Variants in GAB1 observed in about 807,000 individuals in gnomAD.
GAB1 encodes GRB2 associated binding protein 1, also known as GRB2-associated-binding protein 1.
Under a neutral mutation model 66.5 loss-of-function variants are expected in GAB1, and 19 were observed. That is an observed-to-expected ratio of 0.29 (90% CI 0.20 to 0.42). The LOEUF (loss-of-function observed/expected upper bound fraction) is 0.42. GAB1 is among the 10% of genes least tolerant of loss of function. GAB1 has a pLI of 1.00. For missense variants in GAB1, 732 were observed against 858.5 expected (o/e 0.85, Z 1.84); for synonymous variants, 294 against 301.4 (o/e 0.98, Z 0.25).
chr4:143,413,121 G>T (rs1305673253), intron 1 of GAB1, among the ~76,000 whole-genome samples: 1 of 152,168 alleles, frequency 6.6e-6, no homozygotes, highest in Non-Finnish European at 1.5e-5. Flanking sequence ...TGTATTTAAA[G>T]ATGAAGCTTC....
chr4:143,363,914 T>C (rs1729765166), intron 1 of GAB1, among the ~76,000 whole-genome samples: 1 of 152,094 alleles, frequency 6.6e-6, no homozygotes, highest in Admixed American at 6.6e-5. Flanking sequence ...TGACTTAAAT[T>C]CGTGCTGGCC....
At chr4:143,440,458 A>ATTCT in intron 6 of GAB1, 76 bp downstream of exon 6, 1 of 1,365,032 alleles carries the variant, frequency 7.3e-7, no homozygotes, top group Non-Finnish European at 9.9e-7. Flanking sequence ...TTAAATCCAA[A>ATTCT]ATAGAATTTG....
At chr4:143,391,946 T>C (rs1334136768) in intron 1 of GAB1, among the ~76,000 whole-genome samples, 1 of 152,210 alleles carries the variant, frequency 6.6e-6, no homozygotes, top group East Asian at 1.9e-4. Context: ...TATTCTTGTG[T>C]TTTTAGCAAC....
At chr4:143,356,778 T>C (rs1417651674) in intron 1 of GAB1, among the ~76,000 whole-genome samples, 1 of 152,184 alleles carries the variant, frequency 6.6e-6, no homozygotes, top group Non-Finnish European at 1.5e-5. Flanking sequence ...AGCTAGGCCA[T>C]CTGAAGGCCT....
intron 1 of GAB1, among the ~76,000 whole-genome samples, chr4:143,379,102 A>G (rs1449592120): frequency 6.6e-6 from 1 of 152,240 alleles, no homozygotes; most frequent in East Asian, 1.9e-4. Context: ...AGCCTCATTC[A>G]TTGAGGTGGG....
intron 8 of GAB1, 139 bp downstream of exon 8, chr4:143,460,626 A>T: frequency 1.4e-6 from 1 of 704,538 alleles, no homozygotes; most frequent in Non-Finnish European, 2.2e-6. Context: ...TAAAAAGCTT[A>T]TTAAAAATAA....
chr4:143,464,090 A>G (rs1197829234), intron 8 of GAB1, among the ~76,000 whole-genome samples: 3 of 152,202 alleles, frequency 2.0e-5, no homozygotes, highest in Admixed American at 6.5e-5. Context: ...TGTGACAATG[A>G]TATATAGAGT....
intron 6 of GAB1, among the ~76,000 whole-genome samples, chr4:143,454,749 A>G (rs1342183709): frequency 6.6e-6 from 1 of 152,226 alleles, no homozygotes; most frequent in African/African-American, 2.4e-5. Context: ...GGCTACAACA[A>G]GAATGACCCA....
chr4:143,427,053 T>G (rs1385551365), intron 2 of GAB1, among the ~76,000 whole-genome samples: 1 of 151,904 alleles, frequency 6.6e-6, no homozygotes, highest in African/African-American at 2.4e-5. Flanking sequence ...GGAACAGAAT[T>G]TATTGGGCCA....
intron 1 of GAB1, among the ~76,000 whole-genome samples, chr4:143,378,107 A>G (rs928293974): frequency 2.6e-4 from 39 of 152,246 alleles, no homozygotes; most frequent in Admixed American, 2.0e-4. Flanking sequence ...ATAATACTCA[A>G]CCTACAGCAA....
chr4:143,410,704 C>G (rs2149711724), intron 1 of GAB1, among the ~76,000 whole-genome samples: 1 of 152,344 alleles, frequency 6.6e-6, no homozygotes, highest in South Asian at 2.1e-4. Context: ...TGTTTACACA[C>G]CTCTATGCTT....
chr4:143,414,992 G>A (rs1014700088), intron 1 of GAB1, among the ~76,000 whole-genome samples: 4 of 151,262 alleles, frequency 2.6e-5, no homozygotes, highest in Admixed American at 6.6e-5. Flanking sequence ...CTCCCCCTCC[G>A]CAGGGCCTGA....
At chr4:143,386,013 G>A (rs1378269570) in intron 1 of GAB1, among the ~76,000 whole-genome samples, 2 of 152,050 alleles carry the variant, frequency 1.3e-5, no homozygotes, top group Admixed American at 6.6e-5. Context: ...GTGGCTGTGC[G>A]CACCTGTCGT....
intron 8 of GAB1, among the ~76,000 whole-genome samples, chr4:143,464,646 A>G (rs1735685004): frequency 6.6e-6 from 1 of 152,238 alleles, no homozygotes; most frequent in South Asian, 2.1e-4. Flanking sequence ...CTGAATAAAC[A>G]TACTGCATAC....
At chr4:143,399,603 A>G (rs559103685) in intron 1 of GAB1, among the ~76,000 whole-genome samples, 1 of 152,198 alleles carries the variant, frequency 6.6e-6, no homozygotes, top group African/African-American at 2.4e-5. Context: ...ATATCAATAC[A>G]CTGCATCCAG....
At chr4:143,365,109 C>A (rs1377860891) in intron 1 of GAB1, among the ~76,000 whole-genome samples, 1 of 151,804 alleles carries the variant, frequency 6.6e-6, no homozygotes, top group Non-Finnish European at 1.5e-5. Context: ...GATCTCCTGA[C>A]CTTGTGATCC....
intron 1 of GAB1, among the ~76,000 whole-genome samples, chr4:143,409,310 A>C (rs1475703655): frequency 1.3e-5 from 2 of 152,082 alleles, no homozygotes; most frequent in Admixed American, 6.6e-5. Context: ...GAGATGAGAC[A>C]GGTAAGTATG....
chr4:143,422,515 A>T (rs1254127890), intron 2 of GAB1, among the ~76,000 whole-genome samples: 1 of 152,186 alleles, frequency 6.6e-6, no homozygotes, highest in Non-Finnish European at 1.5e-5. Flanking sequence ...CCTTACCAAT[A>T]AGAAAGAGTA....
At chr4:143,445,219 A>G (rs1483788284) in intron 6 of GAB1, among the ~76,000 whole-genome samples, 1 of 152,176 alleles carries the variant, frequency 6.6e-6, no homozygotes, top group Non-Finnish European at 1.5e-5. Flanking sequence ...AGCAGTATAT[A>G]AGCATTCCCT....
Sources: gnomAD v4.1 joint callset for allele counts (sites outside exome capture counted in the v4.1 genomes callset) on GRCh38, gnomAD v4.1.1 for gene constraint, MANE v1.5 for transcripts, NCBI Gene and HGNC (gene_info 2026-07-23, HGNC 2026-07-21) for gene names.